NALF1: variants seen among roughly 807,000 people sequenced by gnomAD.
NALF1 encodes NALCN channel auxiliary factor 1.
NALF1 carries 3 observed loss-of-function variants against 48.4 expected under a neutral mutation model. That is an observed-to-expected ratio of 0.06 (90% CI 0.03 to 0.16). The LOEUF (loss-of-function observed/expected upper bound fraction) is 0.16, where lower values mean the gene tolerates loss of function less well. Ranked by LOEUF, NALF1 falls within the 10% of genes least tolerant of loss-of-function variation. NALF1 has a pLI of 1.00. For missense variants in NALF1, 526 were observed against 571.5 expected (o/e 0.92, Z 0.81); for synonymous variants, 262 against 245.7 (o/e 1.07, Z -0.62).
At chr13:107,580,010 C>T (rs534812493) in intron 1 of NALF1, among the ~76,000 whole-genome samples, 2 of 151,870 alleles carry the variant, frequency 1.3e-5, no homozygotes, top group East Asian at 1.9e-4. Context: ...ATGTTTATTG[C>T]GGCATTATTC....
chr13:107,864,052 A>G (rs970435539), intron 1 of NALF1, among the ~76,000 whole-genome samples: 4 of 152,212 alleles, frequency 2.6e-5, no homozygotes, highest in Non-Finnish European at 5.9e-5. Context: ...GAAGACGTAG[A>G]GTTTCCTTTT....
At chr13:107,661,104 G>A (rs1880725700) in intron 1 of NALF1, among the ~76,000 whole-genome samples, 1 of 152,124 alleles carries the variant, frequency 6.6e-6, no homozygotes, top group Non-Finnish European at 1.5e-5. Flanking sequence ...CAAACAAGAC[G>A]TTTTCAGTGC....
At chr13:107,820,973 C>T (rs1269243199) in intron 1 of NALF1, among the ~76,000 whole-genome samples, 1 of 152,136 alleles carries the variant, frequency 6.6e-6, no homozygotes, top group East Asian at 1.9e-4. Context: ...CTGCATACTC[C>T]CTCCCTTAGA....
intron 1 of NALF1, among the ~76,000 whole-genome samples, chr13:107,308,162 A>C (rs1363438122): frequency 1.3e-5 from 2 of 150,778 alleles, no homozygotes; most frequent in African/African-American, 4.9e-5. Flanking sequence ...AAATCTCATT[A>C]AATTTCTGTA....
At chr13:107,659,418 A>C (rs1348510457) in intron 1 of NALF1, among the ~76,000 whole-genome samples, 9 of 152,106 alleles carry the variant, frequency 5.9e-5, no homozygotes, top group Non-Finnish European at 5.9e-5. Context: ...TAAAAAGTTT[A>C]GATCTAAAAT....
chr13:107,287,998 A>G (rs73584934), intron 1 of NALF1, among the ~76,000 whole-genome samples: 17,257 of 151,162 alleles, frequency 0.11, 1,420 homozygotes, highest in East Asian at 0.34. Context: ...GTGAGCCACC[A>G]CACCTGGCCA....
rs190165044 is a variant in NALF1 at position 107,790,284 on chromosome 13, C to T, written c.915+75398G>A. ...AACATAACATGACAAAAAACATTTA[C>T]AGAAAAAAGTGGAATAATACAGTAC... On this transcript the variant is annotated intron_variant, in intron 1 of 2. Coordinates refer to ENST00000375915, the MANE Select transcript of NALF1 (RefSeq NM_001080396.3). Among the ~76,000 whole-genome samples the T allele has an allele frequency of 3.5e-4, 53 of 152,006 alleles. No homozygotes were observed. The East Asian group carries it at 8.9e-3, about 25-fold the overall frequency.
intron 1 of NALF1, among the ~76,000 whole-genome samples, chr13:107,340,762 T>C (rs908510473): frequency 6.6e-6 from 1 of 152,182 alleles, no homozygotes; most frequent in South Asian, 2.1e-4. Flanking sequence ...TTTCTTTACA[T>C]TCCTGATCTA....
intron 1 of NALF1, among the ~76,000 whole-genome samples, chr13:107,485,304 C>A (rs1347058749): frequency 2.0e-5 from 3 of 152,150 alleles, no homozygotes; most frequent in Non-Finnish European, 4.4e-5. Context: ...AGTCACTTTA[C>A]TGGCACTTCT....
intron 1 of NALF1, among the ~76,000 whole-genome samples, chr13:107,698,378 T>C (rs1475000359): frequency 6.6e-6 from 1 of 152,124 alleles, no homozygotes; most frequent in Non-Finnish European, 1.5e-5. Flanking sequence ...GCAATTCTAA[T>C]CTAAGCTTTA....
Position 107,253,908 on chromosome 13 carries a change from A to AGTT in NALF1, c.916-43156_916-43154dup, listed in dbSNP as rs561653416. On this transcript the variant is annotated intron_variant, in intron 1 of 2. Transcript: ENST00000375915. The stretch of plus-strand genomic sequence containing the variant: ...AGCCGTCATCGCTTAGATCACTACC[A>AGTT]GTTGTTGTACGATGTAATCATGGAC... Among the ~76,000 whole-genome samples the AGTT allele has an allele frequency of 2.2e-3, 334 of 152,028 alleles. 2 individuals carry two copies. Among genetic ancestry groups the AGTT allele is most frequent in the African/African-American group, 7.7e-3 (320 of 41,440 alleles).
intron 1 of NALF1, among the ~76,000 whole-genome samples, chr13:107,717,338 T>G (rs549987775): frequency 2.0e-5 from 3 of 152,166 alleles, no homozygotes; most frequent in Admixed American, 2.0e-4. Context: ...CGTATGGACA[T>G]ATCAGAAATG....
At chr13:107,303,009 G>A (rs180689539) in intron 1 of NALF1, among the ~76,000 whole-genome samples, 39 of 152,284 alleles carry the variant, frequency 2.6e-4, no homozygotes, top group African/African-American at 8.9e-4. Context: ...CTTGCATGAC[G>A]TGCTCCATGT....
At chr13:107,556,420 C>G (rs1352884868) in intron 1 of NALF1, among the ~76,000 whole-genome samples, 1 of 151,556 alleles carries the variant, frequency 6.6e-6, no homozygotes, top group Admixed American at 6.6e-5. Flanking sequence ...TTTCCTTTAA[C>G]ATTAAAACTC....
At chr13:107,232,888 G>T (rs1288287847) in intron 1 of NALF1, among the ~76,000 whole-genome samples, 1 of 152,148 alleles carries the variant, frequency 6.6e-6, no homozygotes, top group Non-Finnish European at 1.5e-5. Context: ...CATGCAGTAG[G>T]CAGTGTTGCT....
intron 1 of NALF1, among the ~76,000 whole-genome samples, chr13:107,759,136 T>C (rs74378581): frequency 0.019 from 2,945 of 152,236 alleles, 38 homozygotes; most frequent in Middle Eastern, 0.079. Context: ...TCAGGAGAAA[T>C]ACCACCCACT....
In NALF1 at chr13:107,229,509, G is replaced by T. The variant is rs79696667; in HGVS notation, c.916-18754C>A. 5.0e-3 allele frequency among the ~76,000 whole-genome samples: 759 copies of T among 152,244 alleles called. 5 individuals are homozygous for T. The highest frequency in any genetic ancestry group is 0.017 in the African/African-American group (697 of 41,538). ...ATATAACTGTTATTATGCATCAGGG[G>T]ACGCCTTCGGCTCAGCTGCTAACCT... On this transcript the variant is annotated intron_variant, in intron 1 of 2. Coordinates refer to ENST00000375915, the MANE Select transcript of NALF1 (RefSeq NM_001080396.3).
intron 1 of NALF1, among the ~76,000 whole-genome samples, chr13:107,820,864 C>A (rs183084372): frequency 1.3e-5 from 2 of 152,282 alleles, no homozygotes; most frequent in African/African-American, 4.8e-5. Flanking sequence ...AACCCGGCAG[C>A]AAAATGCCCC....
At chr13:107,201,466 A>C (rs183702314) in intron 2 of NALF1, among the ~76,000 whole-genome samples, 1 of 152,104 alleles carries the variant, frequency 6.6e-6, no homozygotes, top group African/African-American at 2.4e-5. Context: ...AGTCCCAGCT[A>C]CTCGGGAGGC....
Sources: gnomAD v4.1 joint callset for allele counts (sites outside exome capture counted in the v4.1 genomes callset) on GRCh38, gnomAD v4.1.1 for gene constraint, MANE v1.5 for transcripts, NCBI Gene and HGNC (gene_info 2026-07-23, HGNC 2026-07-21) for gene names.